Variants in PCDH9 observed in about 807,000 individuals in gnomAD.
PCDH9 encodes the protein protocadherin 9.
PCDH9 carries 24 observed loss-of-function variants against 70.6 expected under a neutral mutation model. That is an observed-to-expected ratio of 0.34 (90% confidence interval 0.25 to 0.48). PCDH9 has a LOEUF of 0.48. Among genes scored for constraint, PCDH9 ranks in the 20% least tolerant of loss-of-function variants. The pLI, the probability that PCDH9 is intolerant of heterozygous loss-of-function variation, is 0.99. For synonymous variants in PCDH9, 562 were observed against 558.5 expected (o/e 1.01, Z -0.09); for missense variants, 1,281 against 1,503.6 (o/e 0.85, Z 2.45).
chr13:66,733,351 T>C (rs1278267896), intron 3 of PCDH9, among the ~76,000 whole-genome samples: 1 of 152,144 alleles, frequency 6.6e-6, no homozygotes, highest in Non-Finnish European at 1.5e-5. Context: ...TTTTAAATTT[T>C]AAAAAGTGCT....
At chr13:66,701,900 T>C (rs893279147) in intron 3 of PCDH9, among the ~76,000 whole-genome samples, 1 of 152,178 alleles carries the variant, frequency 6.6e-6, no homozygotes, top group African/African-American at 2.4e-5. Flanking sequence ...GCAGGGATTG[T>C]TACTCTCTTT....
At chr13:66,755,188 T>C (rs2079521113) in intron 3 of PCDH9, among the ~76,000 whole-genome samples, 1 of 148,804 alleles carries the variant, frequency 6.7e-6, no homozygotes, top group Admixed American at 6.7e-5. Flanking sequence ...TTCATTATAA[T>C]CATGGGAACA....
intron 2 of PCDH9, among the ~76,000 whole-genome samples, chr13:67,016,466 A>G (rs1179646937): frequency 6.6e-6 from 1 of 152,182 alleles, no homozygotes; most frequent in East Asian, 1.9e-4. Flanking sequence ...AATTTGATAA[A>G]TTGGATTCAC....
At chr13:66,939,460 C>T (rs1039300819) in intron 2 of PCDH9, among the ~76,000 whole-genome samples, 16 of 96,992 alleles carry the variant, frequency 1.6e-4, no homozygotes, top group African/African-American at 2.9e-4. Context: ...GTGTGTGTGA[C>T]GGAGTCTTGC....
intron 4 of PCDH9, among the ~76,000 whole-genome samples, chr13:66,461,702 A>G (rs949702143): frequency 1.3e-5 from 2 of 151,836 alleles, no homozygotes; most frequent in African/African-American, 4.8e-5. Context: ...TGTTTTTCTG[A>G]GAAATGTTGT....
At chr13:66,897,134 T>C (rs772466443) in intron 3 of PCDH9, among the ~76,000 whole-genome samples, 1 of 152,130 alleles carries the variant, frequency 6.6e-6, no homozygotes, top group Non-Finnish European at 1.5e-5. Flanking sequence ...AGAACCATGT[T>C]TGTATACACA....
intron 2 of PCDH9, among the ~76,000 whole-genome samples, chr13:67,109,102 A>G (rs2086605045): frequency 6.6e-6 from 1 of 152,210 alleles, no homozygotes; most frequent in African/African-American, 2.4e-5. Context: ...AGTGACACCT[A>G]ACCCACTTTA....
intron 3 of PCDH9, among the ~76,000 whole-genome samples, chr13:66,655,024 T>C (rs1352081702): frequency 1.3e-5 from 2 of 152,028 alleles, no homozygotes; most frequent in African/African-American, 4.8e-5. Flanking sequence ...CCATACCCTG[T>C]GGCATTTTTT....
At chr13:66,849,003 T>C (rs570731522) in intron 3 of PCDH9, among the ~76,000 whole-genome samples, 7 of 151,838 alleles carry the variant, frequency 4.6e-5, no homozygotes, top group African/African-American at 1.7e-4. Flanking sequence ...TACAGTAACT[T>C]CACTACCAAA....
At chr13:67,101,770 T>A (rs2086440217) in intron 2 of PCDH9, among the ~76,000 whole-genome samples, 1 of 151,938 alleles carries the variant, frequency 6.6e-6, no homozygotes, top group Non-Finnish European at 1.5e-5. Context: ...ACCAATTCTC[T>A]TCAGTAATAA....
chr13:66,983,114 C>T (rs1481515008), intron 2 of PCDH9, among the ~76,000 whole-genome samples: 1 of 152,130 alleles, frequency 6.6e-6, no homozygotes, highest in Non-Finnish European at 1.5e-5. Context: ...CTAATGGATG[C>T]TAAGCTTAAT....
intron 4 of PCDH9, among the ~76,000 whole-genome samples, chr13:66,564,803 C>G (rs1043753486): frequency 2.0e-5 from 3 of 151,806 alleles, no homozygotes; most frequent in African/African-American, 4.8e-5. Flanking sequence ...CAGCTTTTAT[C>G]TATCTCACAA....
intron 3 of PCDH9, among the ~76,000 whole-genome samples, chr13:66,820,669 T>TA (rs2080695268): frequency 1.3e-5 from 2 of 152,088 alleles, no homozygotes; most frequent in Admixed American, 6.6e-5. Flanking sequence ...TATGCAGCCA[T>TA]AAAAAAGAAT....
chr13:67,081,441 A>G (rs4603429), intron 2 of PCDH9, among the ~76,000 whole-genome samples: 71,273 of 151,820 alleles, frequency 0.47, 17,123 homozygotes, highest in East Asian at 0.65. Flanking sequence ...GATGGCATGC[A>G]CCTGTAATCC....
chr13:66,869,479 G>A (rs1231463221), intron 3 of PCDH9, among the ~76,000 whole-genome samples: 1 of 151,986 alleles, frequency 6.6e-6, no homozygotes, highest in East Asian at 1.9e-4. Context: ...CAAAAGAATT[G>A]GGATTTAAAC....
At chr13:66,999,955 C>T in intron 2 of PCDH9, among the ~76,000 whole-genome samples, 1 of 152,034 alleles carries the variant, frequency 6.6e-6, no homozygotes, top group East Asian at 1.9e-4. Context: ...CTAGAAATAC[C>T]ATTTGACCCA....
At chr13:66,628,252 T>C (rs954710697) in intron 4 of PCDH9, among the ~76,000 whole-genome samples, 1 of 152,214 alleles carries the variant, frequency 6.6e-6, no homozygotes, top group Non-Finnish European at 1.5e-5. Flanking sequence ...CTTGAACATA[T>C]ATTTCTCTTA....
intron 2 of PCDH9, among the ~76,000 whole-genome samples, chr13:66,938,370 G>A (rs554376162): frequency 4.6e-5 from 7 of 152,216 alleles, no homozygotes; most frequent in South Asian, 2.1e-4. Context: ...GAATTAGACC[G>A]AAGTTTGCAA....
At chr13:66,646,711 CA>C (rs986908972) in intron 3 of PCDH9, among the ~76,000 whole-genome samples, 1 of 152,082 alleles carries the variant, frequency 6.6e-6, no homozygotes, top group Non-Finnish European at 1.5e-5. Flanking sequence ...ACTATCCACA[CA>C]AAAAAAGCAC....
Sources: allele counts gnomAD v4.1 joint callset (sites outside exome capture counted in the v4.1 genomes callset), GRCh38; gene constraint gnomAD v4.1.1; transcripts MANE v1.5; gene names NCBI Gene and HGNC (gene_info 2026-07-23, HGNC 2026-07-21).